Variants in ASIC2 observed in about 807,000 individuals in gnomAD.
The protein encoded by ASIC2 is acid-sensing ion channel 2.
Under a neutral mutation model 57.3 loss-of-function variants are expected in ASIC2, and 25 were observed. The observed-to-expected ratio is 0.44, with a 90% CI of 0.32 to 0.61. ASIC2 has a LOEUF of 0.61. Ranked by LOEUF, ASIC2 falls within the 20% of genes least tolerant of loss-of-function variation. The pLI, the probability that ASIC2 is intolerant of heterozygous loss-of-function variation, is 0.06. For synonymous variants in ASIC2, 319 were observed against 307.5 expected (o/e 1.04, Z -0.39); for missense variants, 641 against 738.1 (o/e 0.87, Z 1.52).
intron 1 of ASIC2, among the ~76,000 whole-genome samples, chr17:33,466,788 C>G (rs896636836): frequency 3.3e-5 from 5 of 152,106 alleles, no homozygotes; most frequent in Non-Finnish European, 2.9e-5. Flanking sequence ...AAAGGCTAGC[C>G]ATGTGTAGAA....
intron 2 of ASIC2, among the ~76,000 whole-genome samples, chr17:33,097,116 G>A (rs767424486): frequency 6.6e-6 from 1 of 152,246 alleles, no homozygotes; most frequent in African/African-American, 2.4e-5. Context: ...CCCCTGCCAT[G>A]TGGCCTCGCT....
intron 1 of ASIC2, among the ~76,000 whole-genome samples, chr17:33,424,028 T>C (rs1911132256): frequency 6.6e-6 from 1 of 152,214 alleles, no homozygotes; most frequent in African/African-American, 2.4e-5. Flanking sequence ...TTGATGCTGC[T>C]GGTTCTGCCA....
At chr17:33,101,111 C>G (rs1418001100) in intron 2 of ASIC2, among the ~76,000 whole-genome samples, 7 of 152,102 alleles carry the variant, frequency 4.6e-5, no homozygotes, top group Non-Finnish European at 1.0e-4. Context: ...CCTGGACACT[C>G]GGAACTCAGG....
intron 1 of ASIC2, among the ~76,000 whole-genome samples, chr17:33,825,914 C>G (rs1362315234): frequency 1.3e-5 from 2 of 152,090 alleles, no homozygotes; most frequent in Non-Finnish European, 2.9e-5. Flanking sequence ...ATAGATATAT[C>G]TAATTAAATA....
intron 1 of ASIC2, among the ~76,000 whole-genome samples, chr17:33,443,723 A>G (rs969539563): frequency 1.3e-5 from 2 of 152,086 alleles, no homozygotes; most frequent in Non-Finnish European, 1.5e-5. Flanking sequence ...GCCGGAGGGT[A>G]AGATTTTTAA....
intron 1 of ASIC2, among the ~76,000 whole-genome samples, chr17:33,721,312 A>G (rs893282945): frequency 6.6e-6 from 1 of 152,122 alleles, no homozygotes; most frequent in African/African-American, 2.4e-5. Flanking sequence ...CAGGATTTCA[A>G]TTCTCCTCTC....
At position 34,086,318 on chromosome 17, in the gene ASIC2, G is replaced by A. The variant is rs553984488; in HGVS notation, c.555+69660C>T. ...TGTACCAAGTAGTCATTCAGGAGCA[G>A]GTTGTTCAGTTTCCATGTAGTTGAG... On this transcript the variant is annotated intron_variant, in intron 1 of 9. Transcript: ENST00000359872. Among the ~76,000 whole-genome samples, 3 of 152,224 alleles carry A rather than the reference G, an allele frequency of 2.0e-5. No individual in the cohort carries two copies. The South Asian group carries it at 6.2e-4, about 32-fold the overall frequency.
intron 1 of ASIC2, chr17:33,793,971 C>G (rs1278735903): frequency 6.6e-6 from 1 of 152,102 alleles, no homozygotes; most frequent in African/African-American, 2.4e-5. Flanking sequence ...AAAACAGAGA[C>G]AGTAAAACTT....
At chr17:33,704,749 C>G (rs575700302) in intron 1 of ASIC2, among the ~76,000 whole-genome samples, 77 of 152,290 alleles carry the variant, frequency 5.1e-4, no homozygotes, top group Middle Eastern at 3.4e-3. Flanking sequence ...CTCTCTGGAG[C>G]TTCTAAACTG....
At chr17:33,492,272 T>C (rs770693449) in intron 1 of ASIC2, among the ~76,000 whole-genome samples, 1 of 152,244 alleles carries the variant, frequency 6.6e-6, no homozygotes, top group Non-Finnish European at 1.5e-5. Context: ...ATGAGGAAAC[T>C]GAGCACAGGC....
At chr17:33,208,194 A>G (rs1907140627) in intron 1 of ASIC2, among the ~76,000 whole-genome samples, 2 of 152,132 alleles carry the variant, frequency 1.3e-5, no homozygotes, top group Admixed American at 1.3e-4. Flanking sequence ...TGGGTTTGGG[A>G]AGGTGCATCT....
At chr17:33,616,573 A>T (rs35981285) in intron 1 of ASIC2, among the ~76,000 whole-genome samples, 5,233 of 152,266 alleles carry the variant, frequency 0.034, 260 homozygotes, top group African/African-American at 0.1. Flanking sequence ...TAGTTGACTG[A>T]TTCTCATTCT....
chr17:33,792,743 G>A (rs774801916), intron 1 of ASIC2: 2 of 152,186 alleles, frequency 1.3e-5, no homozygotes, highest in Admixed American at 6.5e-5. Context: ...TCTAGGTGCC[G>A]TGGGCCGAGT....
At chr17:34,065,791 A>G (rs955281813) in intron 1 of ASIC2, among the ~76,000 whole-genome samples, 12 of 152,336 alleles carry the variant, frequency 7.9e-5, no homozygotes, top group African/African-American at 2.9e-4. Context: ...TAAGGACAAG[A>G]GAAGAGTAAT....
At chr17:33,816,924 T>C (rs1912600512) in intron 1 of ASIC2, among the ~76,000 whole-genome samples, 1 of 152,258 alleles carries the variant, frequency 6.6e-6, no homozygotes, top group Admixed American at 6.5e-5. Flanking sequence ...AACCAGTGAT[T>C]GCAGTTAATG....
chr17:34,114,027 C>T (rs1911357290), intron 1 of ASIC2, among the ~76,000 whole-genome samples: 1 of 152,172 alleles, frequency 6.6e-6, no homozygotes. Context: ...TGAGCACTTA[C>T]TATAGTCTAG....
intron 1 of ASIC2, among the ~76,000 whole-genome samples, chr17:33,581,770 T>C (rs1904449495): frequency 6.6e-6 from 1 of 152,226 alleles, no homozygotes; most frequent in Non-Finnish European, 1.5e-5. Context: ...TGGTCCCTGC[T>C]TGGTCCTCGG....
chr17:33,663,030 T>C (rs1907343524), intron 1 of ASIC2, among the ~76,000 whole-genome samples: 1 of 152,162 alleles, frequency 6.6e-6, no homozygotes, highest in African/African-American at 2.4e-5. Context: ...GCAACAGGTC[T>C]CCACACGCAC....
chr17:34,093,354 T>C (rs1413710052), intron 1 of ASIC2, among the ~76,000 whole-genome samples: 1 of 152,200 alleles, frequency 6.6e-6, no homozygotes, highest in Non-Finnish European at 1.5e-5. Context: ...AATTGCCAAC[T>C]TGACTTTGCC....
Sources: allele counts gnomAD v4.1 joint callset (sites outside exome capture counted in the v4.1 genomes callset), GRCh38; gene constraint gnomAD v4.1.1; transcripts MANE v1.5; gene names NCBI Gene and HGNC (gene_info 2026-07-23, HGNC 2026-07-21).